The following NACC2 variants were observed in gnomAD, a reference collection of about 807,000 sequenced individuals.
NACC2 encodes the protein NACC family member 2, also known as nucleus accumbens-associated protein 2.
Under a neutral mutation model 25.1 loss-of-function variants are expected in NACC2, and 8 were observed. The observed-to-expected ratio is 0.32, with a 90% confidence interval of 0.19 to 0.57. The LOEUF (loss-of-function observed/expected upper bound fraction) is 0.57. NACC2 is among the 20% of genes least tolerant of loss of function. The pLI is 0.89. For synonymous variants in NACC2, 435 were observed against 294.7 expected (o/e 1.48, Z -4.88); for missense variants, 644 against 650.2 (o/e 0.99, Z 0.10).
At position 136,019,919 on chromosome 9, in the gene NACC2, C is replaced by T. The variant is rs1027343560; in HGVS notation, c.887-3490G>A. The stretch of plus-strand genomic sequence containing the variant: ...CTGCCAGACACAGAAGGACACATCC[C>T]GGGGCTCCACTCGCAGGCGGCCCCC... On this transcript the variant is annotated intron_variant, in intron 2 of 5. Coordinates refer to ENST00000277554, the MANE Select transcript of NACC2 (RefSeq NM_144653.5). This position sits in a 1 kb window ranked among gnomAD's most constrained non-coding sequence, Gnocchi z 5.2. Among the ~76,000 whole-genome samples, 7 of 143,938 alleles carry T rather than the reference C, an allele frequency of 4.9e-5. No individual in the cohort carries two copies. Among genetic ancestry groups the T allele is most frequent in the African/African-American group, 1.3e-4 (5 of 39,954 alleles). 94.4% of individuals were successfully genotyped at this position (143,938 alleles called of 152,430 possible).
chr9:136,065,079 G>GT (rs746084341), intron 1 of NACC2, among the ~76,000 whole-genome samples: 18 of 152,210 alleles, frequency 1.2e-4, no homozygotes, highest in Admixed American at 2.0e-4. Flanking sequence ...AGACCTAAAT[G>GT]TAAGAGCTAA....
chr9:136,094,258 G>A (rs1047129244), intron 1 of NACC2, among the ~76,000 whole-genome samples: 1 of 152,156 alleles, frequency 6.6e-6, no homozygotes, highest in African/African-American at 2.4e-5. Flanking sequence ...GGTTGGGGGA[G>A]GGAGTGGAAC....
intron 2 of NACC2, among the ~76,000 whole-genome samples, chr9:136,033,708 G>A (rs1044698209): frequency 2.7e-5 from 4 of 147,402 alleles, no homozygotes; most frequent in East Asian, 2.0e-4. Context: ...AAGATGTGCA[G>A]AGAACTACAA....
In NACC2 at chr9:136,020,143, C is replaced by T. The variant is rs984988170; in HGVS notation, c.887-3714G>A. Reference sequence around the variant, plus strand: ...ACCACGCACGTAAAAGTCACTGCAACGGCCCCTCTCACGTCCACTTTACCA... The same window carrying T: ...ACCACGCACGTAAAAGTCACTGCAATGGCCCCTCTCACGTCCACTTTACCA... On this transcript the variant is annotated intron_variant, in intron 2 of 5. Coordinates refer to ENST00000277554, the MANE Select transcript of NACC2 (RefSeq NM_144653.5). This position sits in a 1 kb window ranked among gnomAD's most constrained non-coding sequence, Gnocchi z 4.7. Among the ~76,000 whole-genome samples the T allele has an allele frequency of 6.6e-6, 1 of 152,184 alleles. No homozygotes were observed.
chr9:136,033,580 T>C (rs1840503869), intron 2 of NACC2, among the ~76,000 whole-genome samples: 1 of 145,060 alleles, frequency 6.9e-6, no homozygotes, highest in South Asian at 2.2e-4. Context: ...AATTCGGGAG[T>C]TGGAGGTTGG....
intron 1 of NACC2, among the ~76,000 whole-genome samples, chr9:136,056,349 C>T (rs934067147): frequency 6.6e-6 from 1 of 152,198 alleles, no homozygotes; most frequent in Non-Finnish European, 1.5e-5. Flanking sequence ...CCCCCAACCC[C>T]GAGGCCCCCA....
In NACC2 at chr9:136,011,777, G is replaced by A. The variant is rs548951828; in HGVS notation, c.1503C>T (p.Gly501=). The change falls in exon 6 of 6, where the codon GGC becomes GGT. Residue 501 remains glycine, a synonymous_variant. Transcript: ENST00000277554. ...TCAGAGCCACGATGGTGGCGGCGTCGCCCCGCCGCTCGGCGTAGATGCGTT... is the reference window on the plus strand; with the variant it reads ...TCAGAGCCACGATGGTGGCGGCGTCACCCCGCCGCTCGGCGTAGATGCGTT... ...FEQRIYAERR[G]DAATIVALRT... 33 of 1,529,768 alleles carry A rather than the reference G, an allele frequency of 2.2e-5. No homozygotes were observed. Among genetic ancestry groups the A allele is most frequent in the Non-Finnish European group, 2.5e-5 (28 of 1,136,296 alleles). 94.8% of individuals were successfully genotyped at this position (1,529,768 alleles called of 1,614,324 possible).
At chr9:136,072,846 G>A (rs865921838) in intron 1 of NACC2, among the ~76,000 whole-genome samples, 16 of 126,024 alleles carry the variant, frequency 1.3e-4, no homozygotes, top group Middle Eastern at 4.3e-3. Flanking sequence ...GTGAAACTCC[G>A]TCTCAAATAA....
intron 5 of NACC2, among the ~76,000 whole-genome samples, chr9:136,012,433 C>T (rs1048293428): frequency 1.3e-5 from 2 of 152,252 alleles, no homozygotes; most frequent in African/African-American, 2.4e-5. Context: ...GAAGCCATCA[C>T]TTCAGCAACA....
At position 136,018,856 on chromosome 9, in the gene NACC2, C is replaced by T. The variant is rs1056909216; in HGVS notation, c.887-2427G>A. Among the ~76,000 whole-genome samples, 15 of 152,198 alleles carry T rather than the reference C, an allele frequency of 9.9e-5. No homozygotes were observed. Among genetic ancestry groups the T allele is most frequent in the Non-Finnish European group, 7.3e-5 (5 of 68,040 alleles). ...TGATTACACACGCGGAGAAGCCGCA[C>T]GGTGCGTGGCATTTACATAAAGAGT... is the stretch of plus-strand genomic sequence containing the variant. On this transcript the variant is annotated intron_variant, in intron 2 of 5. Coordinates refer to ENST00000277554, the MANE Select transcript of NACC2 (RefSeq NM_144653.5). The surrounding 1 kb of genome is among the most constrained non-coding windows in gnomAD (Gnocchi z 4.4).
chr9:136,063,348 C>T (rs955448943), intron 1 of NACC2, among the ~76,000 whole-genome samples: 6 of 152,166 alleles, frequency 3.9e-5, no homozygotes, highest in African/African-American at 1.2e-4. Flanking sequence ...ATGAGGGGCT[C>T]GAGTCCTGTG....
chr9:136,020,825 T>C lies in NACC2; in HGVS notation c.887-4396A>G, dbSNP rs1430088183. Among the ~76,000 whole-genome samples, 1 of 151,956 alleles carries C rather than the reference T, an allele frequency of 6.6e-6. No individual in the cohort carries two copies. The highest frequency in any genetic ancestry group is 2.4e-5 in the African/African-American group (1 of 41,352). On this transcript the variant is annotated intron_variant, in intron 2 of 5. Transcript: ENST00000277554. The surrounding 1 kb of genome is among the most constrained non-coding windows in gnomAD (Gnocchi z 4.7). ...ATGCTCGATTGGCTTTTGACAAAGG[T>C]GCACCAGCCTTTGTCAACGGAGGAG...
intron 2 of NACC2, among the ~76,000 whole-genome samples, chr9:136,041,433 G>T (rs1258579523): frequency 6.6e-6 from 1 of 150,560 alleles, no homozygotes; most frequent in African/African-American, 2.5e-5. Flanking sequence ...AAAAAAAAAA[G>T]AAATAAAGAA....
At position 136,065,811 on chromosome 9, in the gene NACC2, C is replaced by CAA. The variant is rs34024892; in HGVS notation, c.-59-15233_-59-15232dup. 2.3e-3 allele frequency among the ~76,000 whole-genome samples: 317 copies of CAA among 136,862 alleles called. 2 individuals carry two copies. The highest frequency in any genetic ancestry group is 4.8e-3 in the African/African-American group (174 of 36,432). The allele number at this position is 136,862 out of a possible 152,430, so 89.8% of individuals were successfully genotyped here. A position where few individuals can be genotyped will look rare whatever the true frequency, so the allele number is the denominator to read the frequency against. ...GCCTGGGTGACAGAGACCCTGTCTC[C>CAA]AAAAAAAAAAAAGAAAAGGAAAGAA... On this transcript the variant is annotated intron_variant, in intron 1 of 5. Coordinates refer to ENST00000277554, the MANE Select transcript of NACC2 (RefSeq NM_144653.5).
chr9:136,044,828 G>A (rs888401323), intron 2 of NACC2, among the ~76,000 whole-genome samples: 2 of 152,224 alleles, frequency 1.3e-5, no homozygotes, highest in Non-Finnish European at 2.9e-5. Flanking sequence ...TGGCTGCAAC[G>A]GAGACCACCC....
intron 1 of NACC2, among the ~76,000 whole-genome samples, chr9:136,069,845 A>C (rs1220647550): frequency 6.6e-6 from 1 of 151,884 alleles, no homozygotes; most frequent in Non-Finnish European, 1.5e-5. Context: ...ATAGAACTAA[A>C]GACAAACCCA....
At chr9:136,067,362 GT>G (rs1841097615) in intron 1 of NACC2, among the ~76,000 whole-genome samples, 1 of 152,112 alleles carries the variant, frequency 6.6e-6, no homozygotes, top group African/African-American at 2.4e-5. Flanking sequence ...AAAGGGTGTG[GT>G]TTTTGGAGTG....
Position 136,086,071 on chromosome 9 carries a change from C to T in NACC2, c.-60+9118G>A, listed in dbSNP as rs1468001188. On this transcript the variant is annotated intron_variant, in intron 1 of 5. Coordinates refer to ENST00000277554, the MANE Select transcript of NACC2 (RefSeq NM_144653.5). This position sits in a 1 kb window ranked among gnomAD's most constrained non-coding sequence, Gnocchi z 5.6. The stretch of plus-strand genomic sequence containing the variant: ...GTCCGGGCGCCACGCAGGGCAGCTC[C>T]GACGGGCAGGAGCCGCCTCCAGGCC... 1.3e-5 allele frequency among the ~76,000 whole-genome samples: 2 copies of T among 152,214 alleles called. No homozygotes were observed. Among genetic ancestry groups the T allele is most frequent in the African/African-American group, 4.8e-5 (2 of 41,468 alleles).
chr9:136,024,485 A>AGAGTGT (rs1564221713), intron 2 of NACC2, among the ~76,000 whole-genome samples: 2 of 90,526 alleles, frequency 2.2e-5, no homozygotes, highest in African/African-American at 4.1e-5. Flanking sequence ...GTGTGAGGAC[A>AGAGTGT]GTGTGTGTGA....
Sources: gnomAD v4.1 joint callset for allele counts (sites outside exome capture counted in the v4.1 genomes callset) on GRCh38, gnomAD v4.1.1 for gene constraint, Gnocchi (gnomAD v3.1) non-coding constraint, MANE v1.5 for transcripts, NCBI Gene and HGNC (gene_info 2026-07-23, HGNC 2026-07-21) for gene names.